The following DMD variants were observed in gnomAD, a reference collection of about 807,000 sequenced individuals.
DMD encodes the protein dystrophin.
A neutral mutation model predicts 330.1 loss-of-function variants in DMD; 63 were observed. That is an observed-to-expected ratio of 0.19 (90% CI 0.16 to 0.24). The LOEUF is 0.24. Among genes scored for constraint, DMD ranks in the 10% least tolerant of loss-of-function variants. The pLI is 1.00. For missense variants in DMD, 3,344 were observed against 2,684.1 expected (o/e 1.25, Z -5.43); for synonymous variants, 1,223 against 959.8 (o/e 1.27, Z -5.07).
rs182772746 is a variant in DMD at position 32,154,818 on chromosome X, A to T, written c.6438+62098T>A. On this transcript the variant is annotated intron_variant, in intron 44 of 78. Transcript: ENST00000357033. ...AGATTCCCCTAGCAGGAGTCTCTTA[A>T]AAAACACCTTTAAACGCAGAAGAGG... is the stretch of plus-strand genomic sequence containing the variant. Among the ~76,000 whole-genome samples, 483 of 109,455 alleles carry T rather than the reference A, an allele frequency of 4.4e-3. 2 individuals are homozygous for T. Among genetic ancestry groups the T allele is most frequent in the Non-Finnish European group, 6.7e-3 (352 of 52,769 alleles).
At chrX:32,622,905 G>A (rs1431337987) in intron 11 of DMD, among the ~76,000 whole-genome samples, 1 of 111,607 alleles carries the variant, frequency 9.0e-6, no homozygotes, top group African/African-American at 3.3e-5. Flanking sequence ...GCTGGGTCAT[G>A]GATCACACTT....
intron 55 of DMD, among the ~76,000 whole-genome samples, chrX:31,540,713 G>A (rs1279969412): frequency 1.8e-5 from 2 of 111,857 alleles, no homozygotes; most frequent in Non-Finnish European, 3.8e-5. Flanking sequence ...AAACCAAGGA[G>A]TTCTTATAAT....
chrX:32,360,800 A>AAATAATAATAATAATAATAAT (rs199527400), intron 37 of DMD, among the ~76,000 whole-genome samples: 123 of 95,937 alleles, frequency 1.3e-3, no homozygotes, highest in African/African-American at 4.2e-3. Context: ...CACACACACA[A>AAATAATAATAATAATAATAAT]AATAATAATA....
At chrX:32,041,217 C>A (rs950805754) in intron 44 of DMD, among the ~76,000 whole-genome samples, 5 of 112,381 alleles carry the variant, frequency 4.4e-5, no homozygotes, top group Admixed American at 9.4e-5. Context: ...AACTAAGCAT[C>A]ATCTCTTCTT....
intron 1 of DMD, among the ~76,000 whole-genome samples, chrX:33,046,129 C>A (rs1421279523): frequency 1.8e-5 from 2 of 111,552 alleles, no homozygotes; most frequent in African/African-American, 6.5e-5. Context: ...AGTAATACTC[C>A]TGTGTTATTC....
intron 44 of DMD, among the ~76,000 whole-genome samples, chrX:31,992,455 TAC>T (rs1157484137): frequency 8.9e-6 from 1 of 111,744 alleles, no homozygotes; most frequent in Admixed American, 9.5e-5. Context: ...ATGATGATGC[TAC>T]GTTTCTGAAG....
chrX:31,347,025 A>G (rs2058124054), intron 61 of DMD, among the ~76,000 whole-genome samples: 1 of 75,645 alleles, frequency 1.3e-5, no homozygotes, highest in African/African-American at 4.8e-5. Context: ...AAAAAAAAAA[A>G]AAAAAAAAAA....
chrX:32,709,647 C>A (rs1390812366), intron 7 of DMD, among the ~76,000 whole-genome samples: 1 of 110,892 alleles, frequency 9.0e-6, no homozygotes, highest in East Asian at 2.9e-4. Context: ...TGCTCTTTTA[C>A]CTAAAATAAT....
intron 7 of DMD, among the ~76,000 whole-genome samples, chrX:32,718,209 G>C (rs2065921620): frequency 1.8e-5 from 2 of 111,552 alleles, no homozygotes; most frequent in African/African-American, 6.5e-5. Context: ...CAAATCTCAT[G>C]TTGTATTGTG....
At position 32,120,069 on chromosome X, in the gene DMD, C is replaced by T. The variant is rs182396983; in HGVS notation, c.6438+96847G>A. ...TGATAACTTTTGATGAATGAATGAA[C>T]GAGAATCAGACATTAAATTTTCAGA... On this transcript the variant is annotated intron_variant, in intron 44 of 78. Transcript: ENST00000357033. 3.3e-3 allele frequency among the ~76,000 whole-genome samples: 375 copies of T among 112,121 alleles called. 1 individual carries two copies. Among genetic ancestry groups the T allele is most frequent in the African/African-American group, 0.011 (345 of 30,886 alleles).
intron 55 of DMD, among the ~76,000 whole-genome samples, chrX:31,622,306 CACACACACACACAAAT>C (rs1378997612): frequency 9.0e-6 from 1 of 111,327 alleles, no homozygotes; most frequent in Non-Finnish European, 1.9e-5. Context: ...CAGACACACA[CACACACACACACAAAT>C]ACACACACAC....
chrX:32,642,858 A>T (rs932718633), intron 11 of DMD, among the ~76,000 whole-genome samples: 2 of 111,403 alleles, frequency 1.8e-5, no homozygotes, highest in Non-Finnish European at 3.8e-5. Flanking sequence ...GGTGGCTATT[A>T]TGGCAAGGAC....
At chrX:31,831,045 A>T (rs1162489678) in intron 49 of DMD, among the ~76,000 whole-genome samples, 1 of 112,559 alleles carries the variant, frequency 8.9e-6, no homozygotes, top group Non-Finnish European at 1.9e-5. Flanking sequence ...CCTTAGAATC[A>T]TGCAGCCAGC....
At chrX:31,771,864 T>C (rs73461806) in intron 51 of DMD, among the ~76,000 whole-genome samples, 1,757 of 111,288 alleles carry the variant, frequency 0.016, 42 homozygotes, top group African/African-American at 0.055. Context: ...AAATCAGTAG[T>C]CCTTTCTGAA....
chrX:32,701,189 A>T (rs1390964663), intron 7 of DMD, among the ~76,000 whole-genome samples: 1 of 111,875 alleles, frequency 8.9e-6, no homozygotes, highest in Non-Finnish European at 1.9e-5. Flanking sequence ...CTAGTCTGCT[A>T]CATTTTGAAT....
intron 12 of DMD, among the ~76,000 whole-genome samples, chrX:32,611,659 C>A (rs1291970091): frequency 9.0e-6 from 1 of 111,412 alleles, no homozygotes; most frequent in African/African-American, 3.3e-5. Context: ...TCCTTCATAG[C>A]TGCCCTAGGT....
chrX:32,780,648 T>G (rs1406882073), intron 7 of DMD, among the ~76,000 whole-genome samples: 23 of 111,772 alleles, frequency 2.1e-4, no homozygotes, highest in African/African-American at 7.1e-4. Flanking sequence ...ACTGACCATT[T>G]CATTGCTTGT....
intron 44 of DMD, among the ~76,000 whole-genome samples, chrX:31,989,366 T>C (rs1315487093): frequency 8.9e-6 from 1 of 112,278 alleles, no homozygotes; most frequent in Non-Finnish European, 1.9e-5. Flanking sequence ...TAACAATCGG[T>C]TCCAAATTCT....
At chrX:31,340,439 T>C (rs971844114) in intron 61 of DMD, among the ~76,000 whole-genome samples, 1 of 112,601 alleles carries the variant, frequency 8.9e-6, no homozygotes, top group Non-Finnish European at 1.9e-5. Context: ...ACCAGAAAAT[T>C]TGTAAAAGTA....
Sources: gnomAD v4.1 joint callset for allele counts (sites outside exome capture counted in the v4.1 genomes callset) on GRCh38, gnomAD v4.1.1 for gene constraint, MANE v1.5 for transcripts, NCBI Gene and HGNC (gene_info 2026-07-23, HGNC 2026-07-21) for gene names.